RPN2: variants seen among roughly 807,000 people sequenced by gnomAD.
RPN2 encodes ribophorin II.
Under a neutral mutation model 71.4 loss-of-function variants are expected in RPN2, and 29 were observed. That is an observed-to-expected ratio of 0.41 (90% CI 0.30 to 0.55). RPN2 has a LOEUF of 0.55. Ranked by LOEUF, RPN2 falls within the 20% of genes least tolerant of loss-of-function variation. RPN2 has a pLI of 0.35. For missense variants in RPN2, 726 were observed against 774.1 expected, an observed-to-expected ratio of 0.94 and a Z score of 0.74; for synonymous variants, 308 against 305.0, an observed-to-expected ratio of 1.01 and a Z score of -0.10.
chr20:37,192,594 A>G (rs1450263044), intron 2 of RPN2, among the ~76,000 whole-genome samples: 2 of 152,206 alleles, frequency 1.3e-5, no homozygotes, highest in African/African-American at 4.8e-5. Flanking sequence ...AGTGCTAGGC[A>G]CTGGGGATTT....
intron 4 of RPN2, among the ~76,000 whole-genome samples, chr20:37,199,988 G>A (rs1044374109): frequency 2.0e-5 from 3 of 151,274 alleles, no homozygotes; most frequent in Non-Finnish European, 4.4e-5. Flanking sequence ...AAACTACCAC[G>A]CCTAGCTAAT....
intron 15 of RPN2, 62 bp from the exon 16 acceptor site, chr20:37,236,518 C>G: frequency 6.3e-7 from 1 of 1,589,948 alleles, no homozygotes; most frequent in Non-Finnish European, 8.6e-7. Context: ...GTCTAACTTT[C>G]CTCAACCGCA....
At chr20:37,180,148 TG>T (rs778910659) in intron 1 of RPN2, among the ~76,000 whole-genome samples, 9 of 152,226 alleles carry the variant, frequency 5.9e-5, no homozygotes, top group Non-Finnish European at 1.2e-4. Context: ...TACTACCATT[TG>T]ACAGATGAGA....
At chr20:37,236,930 A>G (rs558017926) in intron 16 of RPN2, among the ~76,000 whole-genome samples, 31 of 140,880 alleles carry the variant, frequency 2.2e-4, no homozygotes, top group African/African-American at 8.0e-4. Flanking sequence ...TGATGCCCCA[A>G]TACAATAGAA....
chr20:37,187,309 C>T (rs1285375847), intron 2 of RPN2, among the ~76,000 whole-genome samples: 1 of 10,668 alleles, frequency 9.4e-5, no homozygotes, highest in African/African-American at 3.7e-4. Context: ...GAGACCATCC[C>T]GGCTAAAACG....
chr20:37,219,701 T>C (rs2067904394), intron 9 of RPN2, among the ~76,000 whole-genome samples: 1 of 152,264 alleles, frequency 6.6e-6, no homozygotes, highest in South Asian at 2.1e-4. Context: ...TACTTTTGGC[T>C]CCTACCCTTA....
At chr20:37,196,390 C>G (rs1333508721) in intron 2 of RPN2, among the ~76,000 whole-genome samples, 2 of 152,190 alleles carry the variant, frequency 1.3e-5, no homozygotes, top group Non-Finnish European at 2.9e-5. Context: ...CCACCACGCC[C>G]AGCTAATTTT....
At chr20:37,182,694 C>T (rs908260366) in intron 1 of RPN2, among the ~76,000 whole-genome samples, 4 of 152,116 alleles carry the variant, frequency 2.6e-5, no homozygotes, top group Non-Finnish European at 5.9e-5. Context: ...TGCCGCTGGC[C>T]AATAGTGCCT....
At chr20:37,186,425 G>C (rs934766525) in intron 2 of RPN2, among the ~76,000 whole-genome samples, 3 of 152,308 alleles carry the variant, frequency 2.0e-5, no homozygotes, top group Non-Finnish European at 4.4e-5. Context: ...TTGCTGGATG[G>C]AGTGTCTTCA....
At chr20:37,187,687 C>T (rs1409300340) in intron 2 of RPN2, among the ~76,000 whole-genome samples, 2 of 152,034 alleles carry the variant, frequency 1.3e-5, no homozygotes, top group Non-Finnish European at 2.9e-5. Flanking sequence ...GTCACCCAGG[C>T]TGGAGTGCAG....
At chr20:37,190,419 C>G (rs896794204) in intron 2 of RPN2, among the ~76,000 whole-genome samples, 8 of 152,168 alleles carry the variant, frequency 5.3e-5, no homozygotes, top group Non-Finnish European at 2.9e-5. Context: ...GTGTTAACTT[C>G]AAAACTTCAC....
At chr20:37,209,365 C>T (rs2067599395) in intron 7 of RPN2, among the ~76,000 whole-genome samples, 1 of 152,148 alleles carries the variant, frequency 6.6e-6, no homozygotes, top group Non-Finnish European at 1.5e-5. Flanking sequence ...CACTGTATTG[C>T]CCAGGCTGGT....
At chr20:37,225,956 C>A (rs1194958087) in intron 11 of RPN2, among the ~76,000 whole-genome samples, 154 bp downstream of exon 11, 1 of 152,200 alleles carries the variant, frequency 6.6e-6, no homozygotes, top group Admixed American at 6.5e-5. Flanking sequence ...TCCCACATGA[C>A]ACTCTCACCC....
At position 37,199,001 on chromosome 20, in the gene RPN2, A is replaced by G. The variant is rs374512118; in HGVS notation, c.304-49A>G. ...TTCTGTCTTTGCCATGCCTGCCACA[A>G]ATTGCCAAGACCTGTTCTAAAACTC... On this transcript the variant is annotated intron_variant, in intron 3 of 16. Coordinates refer to ENST00000237530, the MANE Select transcript of RPN2 (RefSeq NM_002951.5). The G allele has an allele frequency of 3.3e-6, 5 of 1,506,888 alleles. No individual in the cohort carries two copies. The African/African-American group carries it at 4.1e-5, about 12-fold the overall frequency. The allele number at this position is 1,506,888 out of a possible 1,614,324, so 93.3% of individuals were successfully genotyped here.
chr20:37,198,136 C>T (rs2067293219), intron 2 of RPN2, among the ~76,000 whole-genome samples: 2 of 152,202 alleles, frequency 1.3e-5, no homozygotes, highest in African/African-American at 4.8e-5. Flanking sequence ...CATGGCCAGA[C>T]AGGTGATCCG....
intron 2 of RPN2, among the ~76,000 whole-genome samples, chr20:37,186,197 A>C (rs2067005203): frequency 1.3e-5 from 2 of 152,182 alleles, no homozygotes; most frequent in African/African-American, 2.4e-5. Flanking sequence ...CACCTGGATA[A>C]TCTCTGAATT....
intron 4 of RPN2, among the ~76,000 whole-genome samples, chr20:37,200,885 C>T (rs1397977149): frequency 6.6e-6 from 1 of 151,996 alleles, no homozygotes; most frequent in East Asian, 1.9e-4. Flanking sequence ...AAAAAAAATT[C>T]CCATTTCCTT....
intron 2 of RPN2, among the ~76,000 whole-genome samples, chr20:37,187,042 T>C (rs2067022683): frequency 6.6e-6 from 1 of 152,240 alleles, no homozygotes; most frequent in Non-Finnish European, 1.5e-5. Context: ...GTTATTTCAC[T>C]TTTAGTGATG....
rs545415321 is a variant in RPN2, at chr20:37,210,308, T to C, written c.986+143T>C. On this transcript the variant is annotated intron_variant, in intron 8 of 16. Transcript: ENST00000237530. ...AAGCCTACAGTCGAATGTAAGAAAA[T>C]GATTTTTAAAATGAAGATTATTTGG... The C allele has an allele frequency of 2.0e-6, 3 of 1,482,118 alleles. No individual in the cohort carries two copies. The East Asian group carries it at 7.0e-5, about 35-fold the overall frequency. The allele number at this position is 1,482,118 out of a possible 1,614,324, so 91.8% of individuals were successfully genotyped here.
Sources: gnomAD v4.1 joint callset for allele counts (sites outside exome capture counted in the v4.1 genomes callset) on GRCh38, gnomAD v4.1.1 for gene constraint, MANE v1.5 for transcripts, NCBI Gene and HGNC (gene_info 2026-07-23, HGNC 2026-07-21) for gene names.